PHAX: variants seen among roughly 807,000 people sequenced by gnomAD.
PHAX encodes phosphorylated adaptor for RNA export.
Under a neutral mutation model 41.6 loss-of-function variants are expected in PHAX, and 31 were observed. The ratio of observed to expected loss-of-function variants is 0.75; its 90% CI spans 0.56 to 1.01. The LOEUF (loss-of-function observed/expected upper bound fraction) is 1.01, where lower values mean the gene tolerates loss of function less well. PHAX is among the 50% of genes least tolerant of loss of function. PHAX has a pLI of 0.00. For synonymous variants in PHAX, 175 were observed against 164.9 expected, an observed-to-expected ratio of 1.06 and a Z score of -0.47; for missense variants, 453 against 472.9, an observed-to-expected ratio of 0.96 and a Z score of 0.39.
In PHAX at chr5:126,626,897, C is replaced by G. The variant is rs1431965387; in HGVS notation, c.*2053C>G. The G allele has an allele frequency of 6.6e-6, 1 of 152,088 alleles. No individual in the cohort carries two copies. Among genetic ancestry groups the G allele is most frequent in the East Asian group, 1.9e-4 (1 of 5,194 alleles). 9.4% of individuals were successfully genotyped at this position (152,088 alleles called of 1,614,324 possible). A position where few individuals can be genotyped will look rare whatever the true frequency, so the allele number is the denominator to read the frequency against. ...CTGCACTCCAGCCTGGGTGACAGAG[C>G]AAGACTTTGTCTCAAAAATAATAAT... is the stretch of plus-strand genomic sequence containing the variant. On this transcript the variant is annotated 3_prime_UTR_variant, in exon 5 of 5. Coordinates refer to ENST00000297540, the MANE Select transcript of PHAX (RefSeq NM_032177.4).
chr5:126,611,523 C>G (rs1752100744), intron 3 of PHAX, among the ~76,000 whole-genome samples: 2 of 152,260 alleles, frequency 1.3e-5, no homozygotes, highest in African/African-American at 4.8e-5. Context: ...TGACCAGATG[C>G]ACCTGTAATC....
chr5:126,620,897 G>A (rs189648260), intron 4 of PHAX, among the ~76,000 whole-genome samples: 23 of 151,750 alleles, frequency 1.5e-4, no homozygotes, highest in East Asian at 3.9e-4. Context: ...CACCACACCC[G>A]GCTAATTTTT....
chr5:126,604,700 C>T (rs759362848), intron 2 of PHAX, among the ~76,000 whole-genome samples: 2 of 151,704 alleles, frequency 1.3e-5, no homozygotes, highest in Non-Finnish European at 2.9e-5. Flanking sequence ...TCCTGAGTAA[C>T]TGGGACTACA....
intron 1 of PHAX, 133 bp from the exon 2 acceptor site, chr5:126,603,437 G>T: frequency 1.0e-6 from 1 of 959,732 alleles, no homozygotes; most frequent in Non-Finnish European, 1.6e-6. Flanking sequence ...GTAGGAACTT[G>T]ATTGGTCTCA....
chr5:126,610,860 C>T (rs1401682760), intron 3 of PHAX, among the ~76,000 whole-genome samples: 5 of 151,992 alleles, frequency 3.3e-5, no homozygotes, highest in Non-Finnish European at 7.4e-5. Flanking sequence ...TGCGTGCCAC[C>T]GCGCTTGGCT....
intron 2 of PHAX, among the ~76,000 whole-genome samples, chr5:126,605,270 T>G (rs527965329): frequency 6.6e-6 from 1 of 152,158 alleles, no homozygotes; most frequent in East Asian, 1.9e-4. Context: ...TAAGCAATCC[T>G]CCTGCCTCAA....
At chr5:126,617,033 A>T (rs1752196884) in intron 3 of PHAX, among the ~76,000 whole-genome samples, 1 of 152,214 alleles carries the variant, frequency 6.6e-6, no homozygotes. Flanking sequence ...AGAATTAAAA[A>T]AGACCAAATA....
intron 3 of PHAX, among the ~76,000 whole-genome samples, chr5:126,615,258 C>T (rs987115131): frequency 6.6e-6 from 1 of 152,010 alleles, no homozygotes; most frequent in African/African-American, 2.4e-5. Context: ...TCAGTCGATC[C>T]TCATTATTTG....
chr5:126,613,122 G>A (rs573709355), intron 3 of PHAX, among the ~76,000 whole-genome samples: 1 of 152,304 alleles, frequency 6.6e-6, no homozygotes, highest in South Asian at 2.1e-4. Context: ...GCTGAGACGG[G>A]CATATCACCT....
At chr5:126,604,301 G>C in intron 2 of PHAX, 118 bp downstream of exon 2, 1 of 840,522 alleles carries the variant, frequency 1.2e-6, no homozygotes, top group Non-Finnish European at 1.6e-6. Context: ...TTTGGAGACA[G>C]GGTCTTGCTC....
rs1241260166 is a variant in PHAX, at chr5:126,627,026, T to C, written c.*2182T>C. On this transcript the variant is annotated 3_prime_UTR_variant, in exon 5 of 5. Coordinates refer to ENST00000297540, the MANE Select transcript of PHAX (RefSeq NM_032177.4). ...AAGAGTTAACTATAGTTTACAAAAA[T>C]ATATTAAGCAAAAATATGCTTGATA... 1.3e-5 allele frequency: 2 copies of C among 152,178 alleles called. No homozygotes were observed. The highest frequency in any genetic ancestry group is 4.8e-5 in the African/African-American group (2 of 41,434). 9.4% of individuals were successfully genotyped at this position (152,178 alleles called of 1,614,324 possible).
Position 126,604,017 on chromosome 5 carries a change from G to T in PHAX, c.544G>T (p.Gly182Cys). 6.2e-7 allele frequency: 1 copy of T among 1,613,460 alleles called. No individual in the cohort carries two copies. ...DKELDEYMHGGKKMGSKEEEN... is the reference protein window; with the variant it reads ...DKELDEYMHGCKKMGSKEEEN... ...GGAACTAGATGAATATATGCATGGT[G>T]GCAAAAAAATGGGATCAAAGGAAGA... The change falls in exon 2 of 5, where the codon GGC (glycine) becomes TGC (cysteine). Residue 182 changes from glycine to cysteine, a missense_variant. Coordinates refer to ENST00000297540, the MANE Select transcript of PHAX (RefSeq NM_032177.4).
chr5:126,624,518 AATAAACCTTTAATAACGT>A (rs1752317377), intron 4 of PHAX, 39 bp from the exon 5 acceptor site: 1 of 1,319,936 alleles, frequency 7.6e-7, no homozygotes, highest in Non-Finnish European at 1.0e-6. Flanking sequence ...ACAGTCATGG[AATAAACCTTTAATAACGT>A]GGTAGTTCTT....
chr5:126,618,640 T>C (rs910104117), intron 4 of PHAX, among the ~76,000 whole-genome samples: 2 of 151,260 alleles, frequency 1.3e-5, no homozygotes, highest in East Asian at 3.9e-4. Flanking sequence ...TTTTTTTAAT[T>C]TTTGGAAACA....
chr5:126,602,975 A>G (rs1751927238), intron 1 of PHAX, among the ~76,000 whole-genome samples: 1 of 150,328 alleles, frequency 6.7e-6, no homozygotes, highest in African/African-American at 2.5e-5. Context: ...ACTGCACTCC[A>G]GCCTGGGTGA....
intron 3 of PHAX, among the ~76,000 whole-genome samples, chr5:126,613,242 G>A (rs1300490017): frequency 6.6e-6 from 1 of 151,878 alleles, no homozygotes; most frequent in Admixed American, 6.6e-5. Context: ...ACAGGTGCTC[G>A]GGAGGCTGAG....
At position 126,603,995 on chromosome 5, in the gene PHAX, A is replaced by G. The variant is rs753675222; in HGVS notation, c.522A>G (p.Glu174=). Residue 174 remains glutamate (E), a synonymous_variant, in exon 2 of 5, where the codon GAA becomes GAG. Transcript: ENST00000297540. Reference sequence around the variant, plus strand: ...AGCATACAAAAGATCTAGACAAGGAACTAGATGAATATATGCATGGTGGCA... The same window carrying G: ...AGCATACAAAAGATCTAGACAAGGAGCTAGATGAATATATGCATGGTGGCA... ...SQEHTKDLDK[E]LDEYMHGGKK... is the part of the protein sequence containing the mutation. 1.2e-6 allele frequency: 2 copies of G among 1,614,036 alleles called. No individual in the cohort carries two copies. Among genetic ancestry groups the G allele is most frequent in the Non-Finnish European group, 1.7e-6 (2 of 1,179,926 alleles).
intron 3 of PHAX, among the ~76,000 whole-genome samples, chr5:126,611,790 CGAA>C (rs1561680778): frequency 8.3e-6 from 1 of 120,870 alleles, no homozygotes; most frequent in African/African-American, 3.4e-5. Context: ...GACCCTGTCT[CGAA>C]AAAAAAAAAA....
At chr5:126,617,465 CA>C in intron 4 of PHAX, 132 bp downstream of exon 4, 1 of 533,078 alleles carries the variant, frequency 1.9e-6, no homozygotes, top group Non-Finnish European at 3.3e-6. Flanking sequence ...TCTTAAGTAA[CA>C]TTTATGCCTT....
Sources: allele counts gnomAD v4.1 joint callset (sites outside exome capture counted in the v4.1 genomes callset), GRCh38; gene constraint gnomAD v4.1.1; transcripts MANE v1.5; gene names NCBI Gene and HGNC (gene_info 2026-07-23, HGNC 2026-07-21).